The following CRMP1 variants were observed in gnomAD, a reference collection of about 807,000 sequenced individuals.
CRMP1 encodes the protein collapsin response mediator protein 1.
Under a neutral mutation model 68.3 loss-of-function variants are expected in CRMP1, and 19 were observed. The observed-to-expected ratio is 0.28, with a 90% CI of 0.19 to 0.41. The LOEUF (loss-of-function observed/expected upper bound fraction) is 0.41, where lower values mean the gene tolerates loss of function less well. Among genes scored for constraint, CRMP1 ranks in the 10% least tolerant of loss-of-function variants. The pLI is 1.00. For missense variants in CRMP1, 791 were observed against 967.4 expected (o/e 0.82, Z 2.42); for synonymous variants, 439 against 399.6 (o/e 1.10, Z -1.18).
rs1365448536 is a variant in CRMP1 at position 5,870,157 on chromosome 4, T to C, written c.382-3401A>G. On this transcript the variant is annotated intron_variant, in intron 1 of 13. Coordinates refer to ENST00000324989, the MANE Select transcript of CRMP1 (RefSeq NM_001014809.3). This position sits in a 1 kb window ranked among gnomAD's most constrained non-coding sequence, Gnocchi z 6.0. ...ATCTGGAGTCCCAGGTTCCTGGCAG[T>C]CTTCCTGCTCCTACTTGCTTTGGGC... Among the ~76,000 whole-genome samples, 3 of 152,236 alleles carry C rather than the reference T, an allele frequency of 2.0e-5. No individual in the cohort carries two copies. Among genetic ancestry groups the C allele is most frequent in the Non-Finnish European group, 2.9e-5 (2 of 68,042 alleles).
intron 1 of CRMP1, among the ~76,000 whole-genome samples, chr4:5,871,614 C>T (rs945130313): frequency 3.9e-5 from 6 of 151,988 alleles, no homozygotes; most frequent in East Asian, 1.9e-4. Context: ...GAGCCGAGAT[C>T]GCACCACTGC....
At chr4:5,828,348 C>CA in intron 12 of CRMP1, 141 bp downstream of exon 12, 1 of 1,434,416 alleles carries the variant, frequency 7.0e-7, no homozygotes, top group Non-Finnish European at 9.1e-7. Flanking sequence ...GCCAGCGTCT[C>CA]AACCCATTTA....
At chr4:5,851,352 A>G (rs1712601627) in intron 5 of CRMP1, 56 bp downstream of exon 5, 1 of 1,527,408 alleles carries the variant, frequency 6.5e-7, no homozygotes, top group African/African-American at 1.4e-5. Flanking sequence ...TGGACTGGCA[A>G]AGCTGGCCCA....
chr4:5,830,981 G>T (rs556628769), intron 11 of CRMP1, among the ~76,000 whole-genome samples: 324 of 152,258 alleles, frequency 2.1e-3, no homozygotes, highest in African/African-American at 7.2e-3. Context: ...GTTGTTTTGA[G>T]ACAGGGTCTC....
intron 1 of CRMP1, among the ~76,000 whole-genome samples, chr4:5,876,849 T>G (rs1391027369): frequency 6.6e-6 from 1 of 150,890 alleles, no homozygotes; most frequent in South Asian, 2.1e-4. Context: ...TATCAAGATA[T>G]TCATTCACCA....
chr4:5,869,920 G>A (rs1714324822), intron 1 of CRMP1, among the ~76,000 whole-genome samples: 1 of 152,116 alleles, frequency 6.6e-6, no homozygotes, highest in Non-Finnish European at 1.5e-5. Flanking sequence ...AAGGCCATCT[G>A]AGGAAGTGCA....
At position 5,855,042 on chromosome 4, in the gene CRMP1, G is replaced by A. The variant is rs1712945713; in HGVS notation, c.820+1101C>T. 6.6e-6 allele frequency among the ~76,000 whole-genome samples: 1 copy of A among 152,088 alleles called. No homozygotes were observed. The highest frequency in any genetic ancestry group is 1.5e-5 in the Non-Finnish European group (1 of 68,022). The stretch of plus-strand genomic sequence containing the variant: ...TTAACCATTATATTATACATTACAA[G>A]CCATTAAAAAGTTATTGATGAAAAG... On this transcript the variant is annotated intron_variant, in intron 4 of 13. Coordinates refer to ENST00000324989, the MANE Select transcript of CRMP1 (RefSeq NM_001014809.3). The surrounding 1 kb of genome is among the most constrained non-coding windows in gnomAD (Gnocchi z 4.9).
chr4:5,831,367 T>A (rs934537509), intron 11 of CRMP1, among the ~76,000 whole-genome samples: 5 of 152,196 alleles, frequency 3.3e-5, no homozygotes, highest in Non-Finnish European at 7.3e-5. Context: ...TCTGATGGTG[T>A]TTGATGATTT....
rs1486538221 is a variant in CRMP1, at chr4:5,881,967, A to C, written c.381+10622T>G. On this transcript the variant is annotated intron_variant, in intron 1 of 13. Transcript: ENST00000324989. This position sits in a 1 kb window ranked among gnomAD's most constrained non-coding sequence, Gnocchi z 4.6. The stretch of plus-strand genomic sequence containing the variant: ...TCCTTATTGTCCATTGAGACACCTC[A>C]ATTTCGAGCTTGCTACCAAATCCAA... Among the ~76,000 whole-genome samples, 1 of 152,130 alleles carries C rather than the reference A, an allele frequency of 6.6e-6. No individual in the cohort carries two copies. Among genetic ancestry groups the C allele is most frequent in the Non-Finnish European group, 1.5e-5 (1 of 68,026 alleles).
At position 5,842,443 on chromosome 4, in the gene CRMP1, A is replaced by AAG. The variant is rs1711817095; in HGVS notation, c.1032+649_1032+650insCT. Among the ~76,000 whole-genome samples, 1 of 147,412 alleles carries AAG rather than the reference A, an allele frequency of 6.8e-6. No homozygotes were observed. Among genetic ancestry groups the AAG allele is most frequent in the South Asian group, 2.1e-4 (1 of 4,720 alleles). ...GACTCCATCTCAAAAAAAAAAAAAA[A>AAG]AAAAGAAAAGAAAGAAAGAAAGTAA... On this transcript the variant is annotated intron_variant, in intron 7 of 13. Transcript: ENST00000324989. The surrounding 1 kb of genome is among the most constrained non-coding windows in gnomAD (Gnocchi z 4.5).
In CRMP1 at chr4:5,861,874, G is replaced by A. The variant is rs572377554; in HGVS notation, c.471-664C>T. 2.6e-5 allele frequency among the ~76,000 whole-genome samples: 4 copies of A among 152,288 alleles called. No individual in the cohort carries two copies. In the East Asian group the frequency reaches 5.8e-4, roughly 22 times the overall value. On this transcript the variant is annotated intron_variant, in intron 2 of 13. Transcript: ENST00000324989. The surrounding 1 kb of genome is among the most constrained non-coding windows in gnomAD (Gnocchi z 6.0). The stretch of plus-strand genomic sequence containing the variant: ...TAAAAAAAATCCAATTGTTGTGAAC[G>A]CTTGAGATTGGGCAGCATATTAATT...
At chr4:5,856,485 A>C (rs1713069049) in intron 3 of CRMP1, among the ~76,000 whole-genome samples, 178 bp from the exon 4 acceptor site, 1 of 150,456 alleles carries the variant, frequency 6.6e-6, no homozygotes, top group Non-Finnish European at 1.5e-5. Flanking sequence ...TCACCACCAC[A>C]ATCATCACCA....
chr4:5,828,355 T>C, intron 12 of CRMP1, 134 bp downstream of exon 12: 4 of 1,438,758 alleles, frequency 2.8e-6, no homozygotes, highest in Admixed American at 2.7e-5. Context: ...TCTCAACCCA[T>C]TTAACAGATA....
At chr4:5,833,559 T>C (rs1577752528) in intron 11 of CRMP1, among the ~76,000 whole-genome samples, 1 of 52,100 alleles carries the variant, frequency 1.9e-5, no homozygotes, top group South Asian at 4.5e-4. Flanking sequence ...ACATGTGTCC[T>C]CTCTCTCTCT....
chr4:5,846,821 G>T (rs1350139396), intron 6 of CRMP1, among the ~76,000 whole-genome samples: 1 of 130,930 alleles, frequency 7.6e-6, no homozygotes, highest in African/African-American at 3.1e-5. Flanking sequence ...CGCCATGTTG[G>T]CCAGGCTGGT....
intron 6 of CRMP1, among the ~76,000 whole-genome samples, chr4:5,844,935 C>T (rs570902157): frequency 1.8e-4 from 28 of 152,324 alleles, no homozygotes; most frequent in Admixed American, 1.0e-3. Flanking sequence ...TCACGCATCA[C>T]GGTTCCAAAT....
chr4:5,864,262 G>C (rs1026817686), intron 2 of CRMP1, among the ~76,000 whole-genome samples: 21 of 152,126 alleles, frequency 1.4e-4, no homozygotes, highest in African/African-American at 5.1e-4. Flanking sequence ...GTGGTGTGTG[G>C]GATGGGGGAG....
In CRMP1 at chr4:5,821,309, CG is replaced by C. The variant is rs776941876; in HGVS notation, c.*450del. 5 of 159,352 alleles carry C rather than the reference CG, an allele frequency of 3.1e-5. No homozygotes were observed. The South Asian group carries it at 9.7e-4, about 31-fold the overall frequency. 9.9% of individuals were successfully genotyped at this position (159,352 alleles called of 1,614,324 possible). A position where few individuals can be genotyped will look rare whatever the true frequency, so the allele number is the denominator to read the frequency against. The stretch of plus-strand genomic sequence containing the variant: ...GACTGCCCCTCAGGGCTTGAGGTCT[CG>C]GCATCGTGTCTCAGTCAGTCCTTGG... On this transcript the variant is annotated 3_prime_UTR_variant, in exon 14 of 14. Transcript: ENST00000324989. The surrounding 1 kb of genome is among the most constrained non-coding windows in gnomAD (Gnocchi z 4.4).
At position 5,825,951 on chromosome 4, in the gene CRMP1, T is replaced by C. The variant is rs555464833; in HGVS notation, c.1804-292A>G. On this transcript the variant is annotated intron_variant, in intron 12 of 13. Coordinates refer to ENST00000324989, the MANE Select transcript of CRMP1 (RefSeq NM_001014809.3). This position sits in a 1 kb window ranked among gnomAD's most constrained non-coding sequence, Gnocchi z 4.4. ...ACATACATGCAGTCATGCACACATA[T>C]ATGCATGCACATGCAGTAACAAAAC... 114 of 448,462 alleles carry C rather than the reference T, an allele frequency of 2.5e-4. No homozygotes were observed. In the South Asian group the frequency reaches 2.8e-3, roughly 11 times the overall value. 27.8% of individuals were successfully genotyped at this position (448,462 alleles called of 1,614,324 possible). A position where few individuals can be genotyped will look rare whatever the true frequency, so the allele number is the denominator to read the frequency against.
Sources: gnomAD v4.1 joint callset for allele counts (sites outside exome capture counted in the v4.1 genomes callset) on GRCh38, gnomAD v4.1.1 for gene constraint, Gnocchi (gnomAD v3.1) non-coding constraint, MANE v1.5 for transcripts, NCBI Gene and HGNC (gene_info 2026-07-23, HGNC 2026-07-21) for gene names.